PRMT8: variants seen among roughly 807,000 people sequenced by gnomAD.
PRMT8 encodes the protein protein arginine methyltransferase 8.
Under a neutral mutation model 47.1 loss-of-function variants are expected in PRMT8, and 7 were observed. The observed-to-expected ratio is 0.15, with a 90% CI of 0.08 to 0.28. The LOEUF is 0.28. PRMT8 is among the 10% of genes least tolerant of loss of function. PRMT8 has a pLI of 1.00. For synonymous variants in PRMT8, 188 were observed against 186.5 expected, an observed-to-expected ratio of 1.01 and a Z score of -0.07; for missense variants, 237 against 505.4, an observed-to-expected ratio of 0.47 and a Z score of 5.09.
intron 1 of PRMT8, among the ~76,000 whole-genome samples, chr12:3,399,573 A>G (rs1443069943): frequency 1.3e-5 from 2 of 152,214 alleles, no homozygotes; most frequent in Non-Finnish European, 2.9e-5. Flanking sequence ...ACAGAAAACC[A>G]TATCAGGAAT....
At chr12:3,461,472 A>C (rs1865040344) in intron 1 of PRMT8, among the ~76,000 whole-genome samples, 1 of 152,186 alleles carries the variant, frequency 6.6e-6, no homozygotes, top group Non-Finnish European at 1.5e-5. Flanking sequence ...CTCATGATTT[A>C]AGGGCCAACT....
At chr12:3,445,622 A>C (rs1335612304) in intron 1 of PRMT8, among the ~76,000 whole-genome samples, 1 of 152,218 alleles carries the variant, frequency 6.6e-6, no homozygotes, top group Non-Finnish European at 1.5e-5. Context: ...AATGCTGATC[A>C]GCTCCATTTG....
intron 1 of PRMT8, among the ~76,000 whole-genome samples, chr12:3,475,191 A>C (rs1865199087): frequency 6.6e-6 from 1 of 152,144 alleles, no homozygotes; most frequent in Admixed American, 6.5e-5. Context: ...GTGGCCGTGG[A>C]ACATCTTGGG....
At chr12:3,404,887 G>T (rs1448289900) in intron 1 of PRMT8, among the ~76,000 whole-genome samples, 1 of 152,136 alleles carries the variant, frequency 6.6e-6, no homozygotes, top group African/African-American at 2.4e-5. Flanking sequence ...TTATGATTAT[G>T]AAATACCTCT....
At chr12:3,510,610 A>G (rs1865696738) in intron 1 of PRMT8, among the ~76,000 whole-genome samples, 1 of 152,196 alleles carries the variant, frequency 6.6e-6, no homozygotes, top group South Asian at 2.1e-4. Flanking sequence ...TCGAAGATGT[A>G]AAGAAAACCA....
Position 3,569,453 on chromosome 12 carries a change from C to A in PRMT8, c.625-24C>A, listed in dbSNP as rs748374505. ...TGTCAGGTGAATAGATTACGAGACC[C>A]ATTTCCCCACAATTCATCAACAGAA... On this transcript the variant is annotated intron_variant, in intron 5 of 9. Transcript: ENST00000382622. This position sits in a 1 kb window ranked among gnomAD's most constrained non-coding sequence, Gnocchi z 8.2. 1 of 1,594,278 alleles carries A rather than the reference C, an allele frequency of 6.3e-7. No individual in the cohort carries two copies. Among genetic ancestry groups the A allele is most frequent in the Non-Finnish European group, 8.6e-7 (1 of 1,161,876 alleles).
At chr12:3,512,054 A>G (rs552689620) in intron 1 of PRMT8, among the ~76,000 whole-genome samples, 52 of 152,278 alleles carry the variant, frequency 3.4e-4, no homozygotes, top group African/African-American at 9.9e-4. Flanking sequence ...CCATCCCTGC[A>G]GTTACTTTCC....
chr12:3,554,149 GC>G (rs1866482294), intron 4 of PRMT8, among the ~76,000 whole-genome samples: 1 of 152,192 alleles, frequency 6.6e-6, no homozygotes, highest in Non-Finnish European at 1.5e-5. Flanking sequence ...CTGCCCACGA[GC>G]CCTGTCACTG....
At chr12:3,391,560 A>T (rs1358706304) in intron 1 of PRMT8, among the ~76,000 whole-genome samples, 2 of 152,202 alleles carry the variant, frequency 1.3e-5, no homozygotes, top group Non-Finnish European at 2.9e-5. Context: ...AGGTTGTGTG[A>T]AATCTTTTAG....
intron 1 of PRMT8, among the ~76,000 whole-genome samples, chr12:3,417,474 C>T (rs981921805): frequency 3.9e-5 from 6 of 152,106 alleles, no homozygotes; most frequent in African/African-American, 1.2e-4. Flanking sequence ...ATGAGGACAC[C>T]GTGGGTTTTG....
intron 1 of PRMT8, among the ~76,000 whole-genome samples, chr12:3,454,091 G>A (rs1394378437): frequency 6.6e-6 from 1 of 152,176 alleles, no homozygotes; most frequent in Non-Finnish European, 1.5e-5. Context: ...AAAGGGGCCT[G>A]GGGCCAAACA....
chr12:3,536,070 T>C (rs1866112773), intron 1 of PRMT8, among the ~76,000 whole-genome samples: 1 of 152,184 alleles, frequency 6.6e-6, no homozygotes, highest in Admixed American at 6.5e-5. Context: ...CTATAAGTGT[T>C]CCAATTTGCC....
At chr12:3,532,081 C>T (rs905392959) in intron 1 of PRMT8, among the ~76,000 whole-genome samples, 2 of 152,004 alleles carry the variant, frequency 1.3e-5, no homozygotes, top group South Asian at 2.1e-4. Flanking sequence ...GATCCACCAG[C>T]GACGGCCGAC....
chr12:3,491,342 T>TAGCCCGC lies in PRMT8; in HGVS notation c.-280_-274dup. 8.9e-7 allele frequency: 1 copy of TAGCCCGC among 1,122,396 alleles called. No homozygotes were observed. The highest frequency in any genetic ancestry group is 1.1e-6 in the Non-Finnish European group (1 of 917,248). 69.5% of individuals were successfully genotyped at this position (1,122,396 alleles called of 1,614,324 possible). ...GCTTCGGGGCTGCTTCCCTCGAGCT[T>TAGCCCGC]AGCCCGCAGCGCGGGTGGAGAGGGG... On this transcript the variant is annotated 5_prime_UTR_variant, in exon 1 of 10. Transcript: ENST00000382622.
intron 1 of PRMT8, among the ~76,000 whole-genome samples, chr12:3,482,816 G>T (rs924202911): frequency 2.0e-5 from 3 of 152,194 alleles, no homozygotes; most frequent in African/African-American, 7.2e-5. Context: ...GCCTGGTTTT[G>T]GGTGAGGCAA....
At chr12:3,490,310 C>T (rs1365339321), upstream of PRMT8, among the ~76,000 whole-genome samples, 1 of 152,110 alleles carries the variant, frequency 6.6e-6, no homozygotes, top group East Asian at 1.9e-4. Flanking sequence ...CGACAGATGG[C>T]CAGTAAAACA....
chr12:3,567,965 T>C (rs564908027), intron 4 of PRMT8, among the ~76,000 whole-genome samples: 7 of 151,092 alleles, frequency 4.6e-5, no homozygotes, highest in African/African-American at 9.8e-5. Context: ...CCCAGCTACT[T>C]GGAGGCTGAG....
chr12:3,520,021 C>T (rs2137139959), intron 1 of PRMT8, among the ~76,000 whole-genome samples: 1 of 152,296 alleles, frequency 6.6e-6, no homozygotes, highest in South Asian at 2.1e-4. Flanking sequence ...ATAGAGAGAT[C>T]TCATGCTGGG....
At chr12:3,468,503 G>A (rs1047339895) in intron 1 of PRMT8, among the ~76,000 whole-genome samples, 5 of 152,186 alleles carry the variant, frequency 3.3e-5, no homozygotes, top group African/African-American at 9.7e-5. Context: ...CAGTACCCAC[G>A]CCAGCTCCTC....
Sources: allele counts gnomAD v4.1 joint callset (sites outside exome capture counted in the v4.1 genomes callset), GRCh38; gene constraint gnomAD v4.1.1; non-coding constraint Gnocchi (gnomAD v3.1); transcripts MANE v1.5; gene names NCBI Gene and HGNC (gene_info 2026-07-23, HGNC 2026-07-21).